DNAH12: variants seen among roughly 807,000 people sequenced by gnomAD.
DNAH12 encodes dynein axonemal heavy chain 12.
A neutral mutation model predicts 371.5 loss-of-function variants in DNAH12; 285 were observed. The ratio of observed to expected loss-of-function variants is 0.77; its 90% CI spans 0.70 to 0.85. The LOEUF is 0.85. Among genes scored for constraint, DNAH12 ranks in the 40% least tolerant of loss-of-function variants. DNAH12 has a pLI of 0.00. For missense variants in DNAH12, 3,611 were observed against 3,689.4 expected, an observed-to-expected ratio of 0.98 and a Z score of 0.55; for synonymous variants, 1,200 against 1,213.0, an observed-to-expected ratio of 0.99 and a Z score of 0.22.
At chr3:57,428,894 T>A in intron 33 of DNAH12, 73 bp from the exon 34 acceptor site, 1 of 1,377,418 alleles carries the variant, frequency 7.3e-7, no homozygotes, top group Non-Finnish European at 9.7e-7. Flanking sequence ...AACTATTTCT[T>A]AAGATGACTT....
At chr3:57,331,454 A>ACACATATG (rs2062093297) in intron 62 of DNAH12, among the ~76,000 whole-genome samples, 1 of 152,128 alleles carries the variant, frequency 6.6e-6, no homozygotes, top group African/African-American at 2.4e-5. Flanking sequence ...CTATACACAG[A>ACACATATG]CACATATGCA....
intron 12 of DNAH12, among the ~76,000 whole-genome samples, chr3:57,483,851 C>G (rs139342970): frequency 0.012 from 1,716 of 147,274 alleles, 19 homozygotes; most frequent in South Asian, 0.048. Flanking sequence ...ACTTGGGAAG[C>G]TGAGGCAGGA....
At chr3:57,538,287 A>G (rs960655389) in intron 2 of DNAH12, among the ~76,000 whole-genome samples, 19 of 66,902 alleles carry the variant, frequency 2.8e-4, no homozygotes, top group Non-Finnish European at 5.4e-4. Context: ...CATTTTTCCC[A>G]AAGAAATGCC....
At chr3:57,499,650 ATAT>A (rs1559724516) in intron 11 of DNAH12, among the ~76,000 whole-genome samples, 25 of 33,624 alleles carry the variant, frequency 7.4e-4, no homozygotes, top group African/African-American at 2.9e-3. Context: ...AAAAAAAAAT[ATAT>A]ATATATATAT....
At chr3:57,507,592 T>C in intron 8 of DNAH12, 51 bp downstream of exon 8, 1 of 1,276,972 alleles carries the variant, frequency 7.8e-7, no homozygotes, top group Non-Finnish European at 1.0e-6. Context: ...ATTTAAAATA[T>C]TGAACTAATT....
chr3:57,524,384 C>A (rs2068561752), intron 2 of DNAH12, among the ~76,000 whole-genome samples: 1 of 152,008 alleles, frequency 6.6e-6, no homozygotes, highest in African/African-American at 2.4e-5. Flanking sequence ...AGTAGCTGCT[C>A]AATAAACAGT....
At chr3:57,453,076 A>G in intron 24 of DNAH12, 61 bp from the exon 25 acceptor site, 1 of 1,490,622 alleles carries the variant, frequency 6.7e-7, no homozygotes, top group Non-Finnish European at 8.9e-7. Context: ...TTTAAAAAGA[A>G]GTATTTTATC....
chr3:57,523,081 T>C (rs1302462670), intron 4 of DNAH12, among the ~76,000 whole-genome samples: 1 of 152,152 alleles, frequency 6.6e-6, no homozygotes, highest in Non-Finnish European at 1.5e-5. Flanking sequence ...AACAAAAATG[T>C]AATTCTTAAA....
chr3:57,551,416 C>T, the DNAH12 span, among the ~76,000 whole-genome samples: 14 of 151,816 alleles, frequency 9.2e-5, no homozygotes, highest in East Asian at 5.8e-4. Flanking sequence ...GGACTACAGG[C>T]ACCCACGACC....
At chr3:57,338,603 G>A (rs2062299581) in intron 60 of DNAH12, among the ~76,000 whole-genome samples, 1 of 149,942 alleles carries the variant, frequency 6.7e-6, no homozygotes, top group African/African-American at 2.5e-5. Flanking sequence ...ACCCCGTCTG[G>A]GATGTGAAGA....
At chr3:57,429,850 A>C in intron 32 of DNAH12, 76 bp from the exon 33 acceptor site, 2 of 1,223,796 alleles carry the variant, frequency 1.6e-6, no homozygotes, top group Non-Finnish European at 2.2e-6. Flanking sequence ...ACTATGTATA[A>C]AATAAAGTAG....
chr3:57,504,387 GCACACACACA>G (rs57399659), intron 8 of DNAH12, among the ~76,000 whole-genome samples, 183 bp from the exon 9 acceptor site: 1 of 149,760 alleles, frequency 6.7e-6, no homozygotes, highest in African/African-American at 2.5e-5. Context: ...ATACATACAT[GCACACACACA>G]CACACACATA....
In DNAH12 at chr3:57,468,922, T is replaced by G. The variant is rs2066282804; in HGVS notation, c.2163A>C (p.Glu721Asp). 1.3e-6 allele frequency: 2 copies of G among 1,521,604 alleles called. No individual in the cohort carries two copies. Among genetic ancestry groups the G allele is most frequent in the Non-Finnish European group, 1.8e-6 (2 of 1,138,244 alleles). 94.3% of individuals were successfully genotyped at this position (1,521,604 alleles called of 1,614,324 possible). Reference protein sequence around the residue: ...LNGESMEADVEEFSREIFKTL... With the variant: ...LNGESMEADVDEFSREIFKTL... ...TCTTAAAAATTTCTCGGGAAAACTC[T>G]TCCACATCAGCCTCCATGCTTTCCC... The change falls in exon 17 of 74, where the codon GAA becomes GAC. Residue 721 changes from glutamate (E) to aspartate (D), a missense_variant. By Grantham distance (45) the Glu-to-Asp change is conservative. Transcript: ENST00000495027.
chr3:57,489,314 A>C (rs1340606097), intron 12 of DNAH12, among the ~76,000 whole-genome samples, 195 bp downstream of exon 12: 1 of 152,158 alleles, frequency 6.6e-6, no homozygotes, highest in Non-Finnish European at 1.5e-5. Flanking sequence ...GTTGCATTTA[A>C]AAAGGTATCA....
At chr3:57,326,031 C>G (rs2061935610) in intron 62 of DNAH12, among the ~76,000 whole-genome samples, 1 of 152,082 alleles carries the variant, frequency 6.6e-6, no homozygotes, top group Non-Finnish European at 1.5e-5. Flanking sequence ...AAGAAACGAA[C>G]AAAGCCTCCA....
chr3:57,369,982 T>G (rs1056157619), intron 55 of DNAH12, among the ~76,000 whole-genome samples: 8 of 152,208 alleles, frequency 5.3e-5, no homozygotes, highest in Admixed American at 1.3e-4. Context: ...GTGTCCATCA[T>G]AGAAATAAGG....
chr3:57,302,095 G>T (rs1224420171), intron 69 of DNAH12, among the ~76,000 whole-genome samples, 156 bp from the exon 70 acceptor site: 1 of 152,080 alleles, frequency 6.6e-6, no homozygotes, highest in Non-Finnish European at 1.5e-5. Flanking sequence ...AATGTTAAGT[G>T]ATACATGTAT....
intron 64 of DNAH12, 75 bp from the exon 65 acceptor site, chr3:57,322,558 A>T (rs1027263796): frequency 3.5e-6 from 5 of 1,425,428 alleles, no homozygotes; most frequent in Non-Finnish European, 2.8e-6. Context: ...CACGTGGATT[A>T]AAAAACAGGC....
rs149547881 is a variant in DNAH12 at position 57,476,866 on chromosome 3, A to C, written c.1651-4195T>G. ...ATTAAATGCAGAAACTATAAAAGAA[A>C]AAATATTTTTAAAAATCTATATTGT... On this transcript the variant is annotated intron_variant, in intron 13 of 73. Coordinates refer to ENST00000495027, the MANE Select transcript of DNAH12 (RefSeq NM_001366028.2). Among the ~76,000 whole-genome samples, 571 of 152,352 alleles carry C rather than the reference A, an allele frequency of 3.7e-3. 2 individuals carry two copies. The highest frequency in any genetic ancestry group is 0.012 in the African/African-American group (509 of 41,594).
Sources: gnomAD v4.1 joint callset for allele counts (sites outside exome capture counted in the v4.1 genomes callset) on GRCh38, gnomAD v4.1.1 for gene constraint, MANE v1.5 for transcripts, NCBI Gene and HGNC (gene_info 2026-07-23, HGNC 2026-07-21) for gene names.